Variants in TSC22D4 observed in about 807,000 individuals in gnomAD.
The protein encoded by TSC22D4 is TSC22 domain family member 4.
A neutral mutation model predicts 24.9 loss-of-function variants in TSC22D4; 5 were observed. The ratio of observed to expected loss-of-function variants is 0.20; its 90% CI spans 0.10 to 0.42. The LOEUF (loss-of-function observed/expected upper bound fraction) is 0.42. Among genes scored for constraint, TSC22D4 ranks in the 10% least tolerant of loss-of-function variants. The pLI, the probability that TSC22D4 is intolerant of heterozygous loss-of-function variation, is 1.00. For missense variants in TSC22D4, 469 were observed against 547.9 expected, an observed-to-expected ratio of 0.86 and a Z score of 1.44; for synonymous variants, 245 against 243.2, an observed-to-expected ratio of 1.01 and a Z score of -0.07.
intron 3 of TSC22D4, 88 bp from the exon 4 acceptor site, chr7:100,467,688 C>T (rs1471266765): frequency 7.9e-7 from 1 of 1,259,380 alleles, no homozygotes; most frequent in Middle Eastern, 1.9e-4. Context: ...CCCACACCCC[C>T]CTGTACCTGT....
chr7:100,467,804 C>G (rs1027172768), intron 3 of TSC22D4: 1 of 699,644 alleles, frequency 1.4e-6, no homozygotes, highest in Non-Finnish European at 2.7e-6. Context: ...CCAGATGTCC[C>G]TCGGATGGGG....
Position 100,474,261 on chromosome 7 carries a change from G to A in TSC22D4, c.929+13C>T, listed in dbSNP as rs1203934328. 4.3e-6 allele frequency: 7 copies of A among 1,611,576 alleles called. No homozygotes were observed. Among genetic ancestry groups the A allele is most frequent in the Admixed American group, 1.7e-5 (1 of 59,958 alleles). Reference sequence around the variant, plus strand: ...TGAACCCCACGCCCCACCACCCCACGAAGCCCACCTACCTATCATCGTCGC... The same window carrying A: ...TGAACCCCACGCCCCACCACCCCACAAAGCCCACCTACCTATCATCGTCGC... On this transcript the variant is annotated intron_variant, in intron 3 of 4. Transcript: ENST00000300181. The surrounding 1 kb of genome is among the most constrained non-coding windows in gnomAD (Gnocchi z 4.3).
intron 2 of TSC22D4, among the ~76,000 whole-genome samples, chr7:100,476,086 A>G (rs1197227456): frequency 3.3e-5 from 5 of 151,830 alleles, no homozygotes; most frequent in Admixed American, 1.3e-4. Context: ...TGGCCCCAAG[A>G]GAAGCTCAGG....
chr7:100,478,006 T>C lies in TSC22D4; in HGVS notation c.33A>G (p.Gln11=). The change falls in exon 2 of 5, where the codon CAA becomes CAG. Residue 11 remains glutamine, a synonymous_variant. Transcript: ENST00000300181. ...CATAGTCCGTGGTGACGCTGGTGAT[T>C]TGGAAACTACTCTTCTTCTTGCCCC... MSGGKKKSSF[Q]ITSVTTDYEG... is the part of the protein sequence containing the mutation. 6.3e-7 allele frequency: 1 copy of C among 1,591,748 alleles called. No individual in the cohort carries two copies. Among genetic ancestry groups the C allele is most frequent in the Non-Finnish European group, 8.5e-7 (1 of 1,171,542 alleles).
rs151058099 is a variant in TSC22D4 at position 100,474,281 on chromosome 7, C to G, written c.922G>C (p.Asp308His). 6.2e-7 allele frequency: 1 copy of G among 1,613,808 alleles called. No individual in the cohort carries two copies. The highest frequency in any genetic ancestry group is 1.3e-5 in the African/African-American group (1 of 74,888). Reference sequence around the variant, plus strand: ...CCCACGAAGCCCACCTACCTATCATCGTCGCTGTCTAGGTGACCACTGATG... The same window carrying G: ...CCCACGAAGCCCACCTACCTATCATGGTCGCTGTCTAGGTGACCACTGATG... ...LAISGHLDSD[D>H]DSGSGSLVGI... is the part of the protein sequence containing the mutation. Residue 308 changes from aspartate to histidine, a missense_variant, in exon 3 of 5, where the codon GAT becomes CAT. Physicochemically the swap from Asp to His is moderately conservative, Grantham distance 81 (BLOSUM62 -1). Transcript: ENST00000300181. This position sits in a 1 kb window ranked among gnomAD's most constrained non-coding sequence, Gnocchi z 4.3.
chr7:100,472,709 C>A (rs777025607), intron 3 of TSC22D4, among the ~76,000 whole-genome samples: 1 of 151,734 alleles, frequency 6.6e-6, no homozygotes, highest in East Asian at 1.9e-4. Context: ...TGCCCAGCCC[C>A]GCCCAGCCCC....
intron 2 of TSC22D4, among the ~76,000 whole-genome samples, chr7:100,475,239 A>G (rs935804581): frequency 3.3e-5 from 5 of 152,082 alleles, no homozygotes; most frequent in African/African-American, 1.2e-4. Context: ...ACCTGCCATC[A>G]CACCTGGCTA....
At chr7:100,470,924 T>C (rs1317980447) in intron 3 of TSC22D4, among the ~76,000 whole-genome samples, 1 of 152,190 alleles carries the variant, frequency 6.6e-6, no homozygotes, top group South Asian at 2.1e-4. Context: ...GTGTGTGACA[T>C]GCACAGTGGG....
intron 2 of TSC22D4, among the ~76,000 whole-genome samples, chr7:100,475,583 C>T (rs924333929): frequency 2.0e-5 from 3 of 152,176 alleles, no homozygotes. Context: ...GAAACTGCTC[C>T]TCCATCCCCT....
intron 3 of TSC22D4, chr7:100,473,704 A>C (rs1799436750): frequency 6.6e-6 from 1 of 151,708 alleles, no homozygotes; most frequent in Non-Finnish European, 1.5e-5. Context: ...AGCCTCCTAA[A>C]GTGCTGGGAT....
At chr7:100,471,246 C>A (rs1207497701) in intron 3 of TSC22D4, among the ~76,000 whole-genome samples, 4 of 151,968 alleles carry the variant, frequency 2.6e-5, no homozygotes, top group Non-Finnish European at 5.9e-5. Context: ...GGAAGGGGGG[C>A]TGGCTCCCTG....
Position 100,477,735 on chromosome 7 carries a change from G to T in TSC22D4, c.304C>A (p.Pro102Thr). 1 of 1,602,474 alleles carries T rather than the reference G, an allele frequency of 6.2e-7. No homozygotes were observed. The highest frequency in any genetic ancestry group is 1.1e-5 in the South Asian group (1 of 90,934). ...TCCAGGAGTCCGCCGAAGCTGTGGG[G>T]CTCCAGGTCTCGCTCATAAACATCC... ...CVDVYERDLE[P>T]HSFGGLLEGI... Residue 102 changes from proline to threonine, a missense_variant, in exon 2 of 5, where the codon CCC becomes ACC. Transcript: ENST00000300181. This position sits in a 1 kb window ranked among gnomAD's most constrained non-coding sequence, Gnocchi z 7.8.
rs868585166 is a variant in TSC22D4 at position 100,477,681 on chromosome 7, C to T, written c.358G>A (p.Gly120Arg). The T allele has an allele frequency of 2.6e-5, 42 of 1,592,180 alleles. No homozygotes were observed. Among genetic ancestry groups the T allele is most frequent in the Non-Finnish European group, 3.4e-5 (40 of 1,175,296 alleles). ...AACCTGGAATCCAAAGATCTGCCCCCGGCGCCCCCTGAGGCCCCTCGAATT... is the reference window on the plus strand; with the variant it reads ...AACCTGGAATCCAAAGATCTGCCCCTGGCGCCCCCTGAGGCCCCTCGAATT... ...EGIRGASGGA[G>R]GRSLDSRLEL... The change falls in exon 2 of 5, where the codon GGG becomes AGG. Residue 120 changes from glycine (G) to arginine (R), a missense_variant. Physicochemically the swap from Gly to Arg is moderately radical, Grantham distance 125. Coordinates refer to ENST00000300181, the MANE Select transcript of TSC22D4 (RefSeq NM_030935.5). This position sits in a 1 kb window ranked among gnomAD's most constrained non-coding sequence, Gnocchi z 7.8.
At position 100,475,225 on chromosome 7, in the gene TSC22D4, C is replaced by G. The variant is rs573372849; in HGVS notation, c.763-785G>C. On this transcript the variant is annotated intron_variant, in intron 2 of 4. Coordinates refer to ENST00000300181, the MANE Select transcript of TSC22D4 (RefSeq NM_030935.5). ...CAGCCTCCTGAGTAGCCGGGACTAC[C>G]GGCACCTGCCATCACACCTGGCTAA... 2.6e-5 allele frequency among the ~76,000 whole-genome samples: 4 copies of G among 152,260 alleles called. No homozygotes were observed. In the South Asian group the frequency reaches 8.3e-4, roughly 32 times the overall value.
rs1186314147 is a variant in TSC22D4, at chr7:100,474,884, C to T, written c.763-444G>A. Among the ~76,000 whole-genome samples, 1 of 152,152 alleles carries T rather than the reference C, an allele frequency of 6.6e-6. No homozygotes were observed. Among genetic ancestry groups the T allele is most frequent in the Admixed American group, 6.6e-5 (1 of 15,260 alleles). ...TGGCACAATCATGGCTCACTGCAGC[C>T]TTGAATTCCTGAGCTTAAGCGATCC... is the stretch of plus-strand genomic sequence containing the variant. On this transcript the variant is annotated intron_variant, in intron 2 of 4. Coordinates refer to ENST00000300181, the MANE Select transcript of TSC22D4 (RefSeq NM_030935.5). This position sits in a 1 kb window ranked among gnomAD's most constrained non-coding sequence, Gnocchi z 4.3.
intron 3 of TSC22D4, chr7:100,467,955 A>G (rs1432215677): frequency 2.3e-5 from 12 of 513,600 alleles, no homozygotes; most frequent in Admixed American, 2.1e-4. Context: ...CCAAGGGGAA[A>G]GGGTCCTTAG....
chr7:100,467,342 G>A (rs1799301581), intron 4 of TSC22D4, 174 bp from the exon 5 acceptor site: 2 of 856,590 alleles, frequency 2.3e-6, no homozygotes, highest in African/African-American at 3.3e-5. Context: ...CTCAAAGACA[G>A]AGATGGGGAC....
At chr7:100,471,367 G>A (rs1799388842) in intron 3 of TSC22D4, among the ~76,000 whole-genome samples, 1 of 152,182 alleles carries the variant, frequency 6.6e-6, no homozygotes, top group Admixed American at 6.5e-5. Context: ...AGTGGAGAAG[G>A]TGTGGCTTTG....
At position 100,474,281 on chromosome 7, in the gene TSC22D4, C is replaced by T. The variant is rs151058099; in HGVS notation, c.922G>A (p.Asp308Asn). The T allele has an allele frequency of 9.4e-4, 1,520 of 1,613,926 alleles. 1 individual carries two copies. Among genetic ancestry groups the T allele is most frequent in the Non-Finnish European group, 1.1e-3 (1,257 of 1,179,906 alleles). The part of the protein sequence containing the change: ...LAISGHLDSD[D>N]DSGSGSLVGI... ...CCCACGAAGCCCACCTACCTATCAT[C>T]GTCGCTGTCTAGGTGACCACTGATG... Residue 308 changes from aspartate to asparagine, a missense_variant, in exon 3 of 5, where the codon GAT becomes AAT. Coordinates refer to ENST00000300181, the MANE Select transcript of TSC22D4 (RefSeq NM_030935.5). The surrounding 1 kb of genome is among the most constrained non-coding windows in gnomAD (Gnocchi z 4.3).
Sources: allele counts gnomAD v4.1 joint callset (sites outside exome capture counted in the v4.1 genomes callset), GRCh38; gene constraint gnomAD v4.1.1; non-coding constraint Gnocchi (gnomAD v3.1); transcripts MANE v1.5; gene names NCBI Gene and HGNC (gene_info 2026-07-23, HGNC 2026-07-21).